HNRNPLL: variants seen among roughly 807,000 people sequenced by gnomAD.
HNRNPLL encodes the protein heterogeneous nuclear ribonucleoprotein L like.
A neutral mutation model predicts 67.1 loss-of-function variants in HNRNPLL; 25 were observed. The observed-to-expected ratio is 0.37, with a 90% CI of 0.27 to 0.52. The LOEUF (loss-of-function observed/expected upper bound fraction) is 0.52, where lower values mean the gene tolerates loss of function less well. Ranked by LOEUF, HNRNPLL falls within the 20% of genes least tolerant of loss-of-function variation. The pLI, the probability that HNRNPLL is intolerant of heterozygous loss-of-function variation, is 0.90. For missense variants in HNRNPLL, 542 were observed against 673.9 expected (o/e 0.80, Z 2.17); for synonymous variants, 267 against 241.7 (o/e 1.10, Z -0.97).
intron 8 of HNRNPLL, among the ~76,000 whole-genome samples, chr2:38,570,851 G>C (rs957362129): frequency 6.6e-6 from 1 of 151,742 alleles, no homozygotes; most frequent in Non-Finnish European, 1.5e-5. Context: ...AGACCAGGCT[G>C]GGCAACATAG....
intron 2 of HNRNPLL, 45 bp downstream of exon 2, chr2:38,591,485 T>G: frequency 1.0e-6 from 1 of 987,852 alleles, no homozygotes; most frequent in Non-Finnish European, 1.6e-6. Context: ...GCAAGGATTA[T>G]TCTACCACAG....
Position 38,563,962 on chromosome 2 carries a change from C to T in HNRNPLL, c.*220G>A. The T allele has an allele frequency of 2.1e-6, 1 of 477,896 alleles. No individual in the cohort carries two copies. Among genetic ancestry groups the T allele is most frequent in the Non-Finnish European group, 3.7e-6 (1 of 269,090 alleles). 29.6% of individuals were successfully genotyped at this position (477,896 alleles called of 1,614,324 possible). A position where few individuals can be genotyped will look rare whatever the true frequency, so the allele number is the denominator to read the frequency against. Reference sequence around the variant, plus strand: ...TATATCTGTATAATCTACAATGAAGCTGTAGATAGTCTACATTATGATATT... The same window carrying T: ...TATATCTGTATAATCTACAATGAAGTTGTAGATAGTCTACATTATGATATT... On this transcript the variant is annotated 3_prime_UTR_variant, in exon 13 of 13. Transcript: ENST00000449105.
chr2:38,562,628 T>A lies in HNRNPLL; in HGVS notation c.*1554A>T, dbSNP rs1665710966. 6.6e-6 allele frequency: 1 copy of A among 152,122 alleles called. No individual in the cohort carries two copies. Among genetic ancestry groups the A allele is most frequent in the Non-Finnish European group, 1.5e-5 (1 of 67,970 alleles). 9.4% of individuals were successfully genotyped at this position (152,122 alleles called of 1,614,324 possible). On this transcript the variant is annotated 3_prime_UTR_variant, in exon 13 of 13. Transcript: ENST00000449105. ...TTAAATTGGCAATGAATAAGAAACA[T>A]ACATAGCCCAGTATCGAACACAGTT...
At chr2:38,597,639 T>A (rs1864828) in intron 1 of HNRNPLL, among the ~76,000 whole-genome samples, 20,643 of 152,120 alleles carry the variant, frequency 0.14, 1,517 homozygotes, top group Non-Finnish European at 0.15. Flanking sequence ...TTTGATCACA[T>A]AACAGAGCAA....
intron 6 of HNRNPLL, chr2:38,580,943 A>G (rs1040734020): frequency 2.6e-5 from 4 of 152,244 alleles, no homozygotes; most frequent in African/African-American, 9.6e-5. Context: ...CAGCCACTTT[A>G]CAAAAATCAA....
chr2:38,602,300 A>C, intron 1 of HNRNPLL, 138 bp downstream of exon 1: 1 of 777,280 alleles, frequency 1.3e-6, no homozygotes, highest in Non-Finnish European at 2.0e-6. Context: ...ACGAGCCCCA[A>C]AGAGAAGAGT....
At chr2:38,565,472 GA>G (rs1665821505) in intron 12 of HNRNPLL, among the ~76,000 whole-genome samples, 1 of 152,144 alleles carries the variant, frequency 6.6e-6, no homozygotes, top group Admixed American at 6.5e-5. Flanking sequence ...TTGGGAGGCT[GA>G]GGCCAGAGGA....
intron 1 of HNRNPLL, among the ~76,000 whole-genome samples, chr2:38,597,436 T>A (rs1667240268): frequency 6.6e-6 from 1 of 152,220 alleles, no homozygotes. Context: ...TATCTTACTC[T>A]GGACACTTAA....
chr2:38,590,582 G>A (rs1666921960), intron 2 of HNRNPLL, among the ~76,000 whole-genome samples: 2 of 152,116 alleles, frequency 1.3e-5, no homozygotes, highest in African/African-American at 2.4e-5. Flanking sequence ...GTCTATTTTT[G>A]GCAGCAGATT....
intron 1 of HNRNPLL, chr2:38,601,564 G>T (rs926173098): frequency 6.6e-6 from 1 of 152,158 alleles, no homozygotes; most frequent in Non-Finnish European, 1.5e-5. Context: ...CCATCCAACT[G>T]AAGCTAACTA....
intron 2 of HNRNPLL, among the ~76,000 whole-genome samples, chr2:38,586,826 G>A (rs1666754115): frequency 6.6e-6 from 1 of 152,054 alleles, no homozygotes; most frequent in Non-Finnish European, 1.5e-5. Flanking sequence ...TTACTAGAAA[G>A]ACAAACGAAG....
chr2:38,581,677 C>T (rs976877510), intron 6 of HNRNPLL: 2 of 531,600 alleles, frequency 3.8e-6, no homozygotes, highest in East Asian at 3.0e-5. Flanking sequence ...GAACTGCGGG[C>T]GTGCCTGAAT....
chr2:38,602,014 C>T lies in HNRNPLL; in HGVS notation c.189+424G>A, dbSNP rs1667458508. On this transcript the variant is annotated intron_variant, in intron 1 of 12. Transcript: ENST00000449105. ...GAGCTCCCGGTAGAACCGACGCAAC[C>T]ATCCCGGGATGGTGACCAACGCGCG... The T allele has an allele frequency of 3.1e-5, 6 of 191,908 alleles. No homozygotes were observed. The South Asian group carries it at 5.3e-4, about 17-fold the overall frequency. 11.9% of individuals were successfully genotyped at this position (191,908 alleles called of 1,614,324 possible).
chr2:38,566,188 T>C (rs1665853401), intron 12 of HNRNPLL: 2 of 467,830 alleles, frequency 4.3e-6, no homozygotes, highest in Non-Finnish European at 2.8e-6. Context: ...GCCAACGTGG[T>C]GAAACCCCGT....
At chr2:38,585,417 C>T (rs1282943391) in intron 3 of HNRNPLL, among the ~76,000 whole-genome samples, 1 of 152,146 alleles carries the variant, frequency 6.6e-6, no homozygotes, top group East Asian at 1.9e-4. Flanking sequence ...ACTGATTATA[C>T]ATTAAAAATT....
chr2:38,577,144 C>T (rs538130541), intron 7 of HNRNPLL, among the ~76,000 whole-genome samples: 1 of 152,064 alleles, frequency 6.6e-6, no homozygotes, highest in South Asian at 2.1e-4. Flanking sequence ...AATACACTTA[C>T]TGAACAATAA....
At chr2:38,573,064 C>G in intron 8 of HNRNPLL, 146 bp downstream of exon 8, 2 of 616,740 alleles carry the variant, frequency 3.2e-6, no homozygotes, top group South Asian at 4.1e-5. Context: ...TTCCAGAGTT[C>G]CTATATAATA....
chr2:38,567,552 C>T (rs1665918023), intron 12 of HNRNPLL, among the ~76,000 whole-genome samples: 1 of 152,144 alleles, frequency 6.6e-6, no homozygotes, highest in Non-Finnish European at 1.5e-5. Context: ...TAAACATATG[C>T]ATGTATTGCT....
Position 38,569,475 on chromosome 2 carries a change from A to C in HNRNPLL, c.1215-141T>G, listed in dbSNP as rs1431198128. The C allele has an allele frequency of 4.9e-6, 3 of 615,714 alleles. No homozygotes were observed. In the African/African-American group the frequency reaches 5.5e-5, roughly 11 times the overall value. The allele number at this position is 615,714 out of a possible 1,614,324, so 38.1% of individuals were successfully genotyped here. ...ATAGAGCTATTTAAATAGAGGATTT[A>C]GTTTGGGTTATAATCAATCACTCTT... On this transcript the variant is annotated intron_variant, in intron 9 of 12. Transcript: ENST00000449105.
Sources: allele counts gnomAD v4.1 joint callset (sites outside exome capture counted in the v4.1 genomes callset), GRCh38; gene constraint gnomAD v4.1.1; transcripts MANE v1.5; gene names NCBI Gene and HGNC (gene_info 2026-07-23, HGNC 2026-07-21).